OVCH1: variants seen among roughly 807,000 people sequenced by gnomAD.
OVCH1 encodes the protein ovochymase-1.
OVCH1 carries 139 observed loss-of-function variants against 138.4 expected under a neutral mutation model. The observed-to-expected ratio is 1.00, with a 90% CI of 0.87 to 1.16. OVCH1 has a LOEUF of 1.16. Ranked by LOEUF, OVCH1 falls within the 50% of genes most tolerant of loss-of-function variation. The probability of loss-of-function intolerance (pLI) is 0.00; values close to 1 mark genes in which losing one functional copy is unlikely to be tolerated. For missense variants in OVCH1, 1,367 were observed against 1,357.9 expected, an observed-to-expected ratio of 1.01 and a Z score of -0.11; for synonymous variants, 453 against 467.8, an observed-to-expected ratio of 0.97 and a Z score of 0.41.
chr12:29,491,136 T>C, exon 5 of OVCH1: 1 of 1,613,778 alleles, frequency 6.2e-7, no homozygotes, highest in South Asian at 1.1e-5. Context: ...AAGCAAAGAA[T>C]TCCTGGTTCA....
intron 19 of OVCH1, chr12:29,461,651 C>G (rs1195419940): frequency 3.0e-6 from 2 of 673,050 alleles, no homozygotes; most frequent in African/African-American, 3.5e-5. Context: ...CGCTGTACAG[C>G]TGCTTCCGGC....
rs890756625 is a variant in OVCH1, at chr12:29,429,947, C to T, written c.3328-2299G>A. Among the ~76,000 whole-genome samples, 5 of 152,298 alleles carry T rather than the reference C, an allele frequency of 3.3e-5. No homozygotes were observed. The South Asian group carries it at 8.3e-4, about 25-fold the overall frequency. On this transcript the variant is annotated intron_variant, in intron 27 of 27. Coordinates refer to ENST00000318184, the Ensembl canonical transcript of OVCH1. ...TTTAAATGACTTCTGTTTGGAAAAACGGACCCCCACTTCAAAAGCAAACAG... is the reference window on the plus strand; with the variant it reads ...TTTAAATGACTTCTGTTTGGAAAAATGGACCCCCACTTCAAAAGCAAACAG...
At chr12:29,408,357 G>C (rs75722808), downstream of OVCH1, among the ~76,000 whole-genome samples, 2 of 115,758 alleles carry the variant, frequency 1.7e-5, no homozygotes, top group African/African-American at 5.2e-5. Context: ...GAATAGGAGT[G>C]GTGAGAGAGG....
intron 3 of OVCH1, among the ~76,000 whole-genome samples, chr12:29,413,661 TACACACATACACAC>T (rs1288601859): frequency 6.7e-6 from 1 of 149,044 alleles, no homozygotes; most frequent in African/African-American, 2.5e-5. Flanking sequence ...CTGTGTGTAT[TACACACATACACAC>T]ACACACACAC....
At chr12:29,425,320 CT>C (rs1259450721), downstream of OVCH1, among the ~76,000 whole-genome samples, 2 of 152,118 alleles carry the variant, frequency 1.3e-5, no homozygotes, top group Non-Finnish European at 2.9e-5. Context: ...AGATAGGTGG[CT>C]GGAAAAGGGG....
intron 25 of OVCH1, among the ~76,000 whole-genome samples, chr12:29,440,124 C>T (rs542021735): frequency 9.1e-4 from 138 of 152,266 alleles, no homozygotes; most frequent in Non-Finnish European, 1.1e-3. Flanking sequence ...AGAGGTTGGG[C>T]TATAAGTTCT....
Position 29,477,247 on chromosome 12 carries a change from G to C in OVCH1, c.1247-15C>G, listed in dbSNP as rs1053157718. 6 of 1,613,094 alleles carry C rather than the reference G, an allele frequency of 3.7e-6. No individual in the cohort carries two copies. In the African/African-American group the frequency reaches 8.0e-5, roughly 22 times the overall value. ...ACAACCTGACCCTGTGGAAGCATTG[G>C]GGAAATTCAAAGTGAATGGCCAAAG... On this transcript the variant is annotated splice_polypyrimidine_tract_variant and intron_variant, in intron 11 of 27. Transcript: ENST00000318184.
At chr12:29,475,259 T>C in intron 13 of OVCH1, 70 bp from the exon 14 acceptor site, 1 of 1,240,786 alleles carries the variant, frequency 8.1e-7, no homozygotes, top group Non-Finnish European at 1.1e-6. Flanking sequence ...AGTAAAATAA[T>C]CACCCAATTT....
intron 3 of OVCH1, among the ~76,000 whole-genome samples, chr12:29,417,791 G>GTC (rs1555140779): frequency 4.3e-5 from 6 of 139,398 alleles, no homozygotes; most frequent in African/African-American, 1.5e-4. Context: ...GTGTGTGTGT[G>GTC]TGTCTGTGTC....
chr12:29,439,203 CAA>C, intron 26 of OVCH1: 1 of 864,904 alleles, frequency 1.2e-6, no homozygotes, highest in South Asian at 4.0e-5. Flanking sequence ...CCTAGAAGCT[CAA>C]AGTCCTTTGC....
intron 3 of OVCH1, among the ~76,000 whole-genome samples, chr12:29,419,449 G>A (rs58028516): frequency 0.061 from 3,397 of 56,092 alleles, 112 homozygotes; most frequent in African/African-American, 0.18. Context: ...CACCATGCCC[G>A]GCTAATTTTT....
At chr12:29,466,649 T>G (rs534735892) in intron 16 of OVCH1, among the ~76,000 whole-genome samples, 14 of 152,302 alleles carry the variant, frequency 9.2e-5, no homozygotes, top group Admixed American at 6.5e-5. Context: ...TAATGCAGTA[T>G]TTTGTTTCTT....
intron 21 of OVCH1, among the ~76,000 whole-genome samples, chr12:29,451,814 T>C (rs1941804161): frequency 6.6e-6 from 1 of 152,168 alleles, no homozygotes; most frequent in African/African-American, 2.4e-5. Flanking sequence ...ATTTTTAAAG[T>C]TTCTTAGAAA....
intron 3 of OVCH1, among the ~76,000 whole-genome samples, chr12:29,420,399 T>G (rs1329640707): frequency 6.6e-6 from 1 of 150,892 alleles, no homozygotes; most frequent in African/African-American, 2.4e-5. Context: ...TGTTAAGACA[T>G]CATTATCTCC....
exon 16 of OVCH1, chr12:29,471,854 C>G (rs1385011999): frequency 9.3e-6 from 15 of 1,612,914 alleles, no homozygotes. Flanking sequence ...ATGATGGCAC[C>G]TCCACATTGG....
chr12:29,436,248 GC>G (rs1941356986), intron 26 of OVCH1, among the ~76,000 whole-genome samples: 1 of 151,010 alleles, frequency 6.6e-6, no homozygotes, highest in Non-Finnish European at 1.5e-5. Context: ...CATACATAAA[GC>G]TTATTTTAAT....
intron 19 of OVCH1, among the ~76,000 whole-genome samples, chr12:29,460,730 A>T (rs551602625): frequency 6.6e-6 from 1 of 152,140 alleles, no homozygotes; most frequent in African/African-American, 2.4e-5. Flanking sequence ...AGATGGCTTA[A>T]TAATGCATCC....
Position 29,476,179 on chromosome 12 carries a change from C to G in OVCH1, c.1471+27G>C, listed in dbSNP as rs772765457. The stretch of plus-strand genomic sequence containing the variant: ...ACTACTCTGATTCGTCTAACACTTT[C>G]ATATTTAAAGGGTGAAGTCTACCTA... On this transcript the variant is annotated intron_variant, in intron 13 of 27. Transcript: ENST00000318184. The G allele has an allele frequency of 3.5e-5, 55 of 1,565,434 alleles. 2 individuals are homozygous for G. In the South Asian group the frequency reaches 5.9e-4, roughly 17 times the overall value.
chr12:29,438,806 T>C (rs1280643666), intron 26 of OVCH1, among the ~76,000 whole-genome samples: 1 of 152,226 alleles, frequency 6.6e-6, no homozygotes, highest in Non-Finnish European at 1.5e-5. Context: ...TCATTTACAG[T>C]AGAAAATCTT....
Sources: gnomAD v4.1 joint callset for allele counts (sites outside exome capture counted in the v4.1 genomes callset) on GRCh38, gnomAD v4.1.1 for gene constraint, MANE v1.5 for transcripts, NCBI Gene and HGNC (gene_info 2026-07-23, HGNC 2026-07-21) for gene names.